Variants in MOV10 observed in about 807,000 individuals in gnomAD.
The protein encoded by MOV10 is Mov10 RNA helicase, also known as RNA helicase MOV-10.
In MOV10, 39 loss-of-function variants were observed where a neutral mutation model predicts 108.4. The observed-to-expected ratio is 0.36, with a 90% confidence interval of 0.28 to 0.47. The LOEUF (loss-of-function observed/expected upper bound fraction) is 0.47, where lower values mean the gene tolerates loss of function less well. Among genes scored for constraint, MOV10 ranks in the 20% least tolerant of loss-of-function variants. The pLI is 1.00. For missense variants in MOV10, 952 were observed against 1,297.6 expected, an observed-to-expected ratio of 0.73 and a Z score of 4.09; for synonymous variants, 490 against 523.1, an observed-to-expected ratio of 0.94 and a Z score of 0.86.
chr1:112,700,687 G>GGGGGAA lies in MOV10; in HGVS notation c.*189_*194dup. On this transcript the variant is annotated 3_prime_UTR_variant, in exon 21 of 21. Coordinates refer to ENST00000369645, the MANE Select transcript of MOV10 (RefSeq NM_001321324.2). ...ATGACACATCAAGCTGCTAACAATTGGGGGAAGGGGAAGGAAGAAAACTCT... is the reference window on the plus strand; with the variant it reads ...ATGACACATCAAGCTGCTAACAATTGGGGGAAGGGGAAGGGGAAGGAAGAAAACTCT... 1 of 1,527,780 alleles carries GGGGGAA rather than the reference G, an allele frequency of 6.5e-7. No homozygotes were observed. The highest frequency in any genetic ancestry group is 8.7e-7 in the Non-Finnish European group (1 of 1,143,646). 94.6% of individuals were successfully genotyped at this position (1,527,780 alleles called of 1,614,324 possible). A position where few individuals can be genotyped will look rare whatever the true frequency, so the allele number is the denominator to read the frequency against.
At chr1:112,699,565 T>C in intron 17 of MOV10, 120 bp from the exon 18 acceptor site, 4 of 1,529,882 alleles carry the variant, frequency 2.6e-6, no homozygotes, top group Non-Finnish European at 3.5e-6. Context: ...ACTGGTTCAC[T>C]CACTGATCTA....
intron 2 of MOV10, among the ~76,000 whole-genome samples, chr1:112,677,772 C>T (rs1407655553): frequency 6.6e-6 from 1 of 151,958 alleles, no homozygotes; most frequent in Non-Finnish European, 1.5e-5. Context: ...GGCCATATAG[C>T]GGGGGGTATA....
chr1:112,698,400 C>G lies in MOV10; in HGVS notation c.2430C>G (p.Leu810=), dbSNP rs745841832. ...AATVTSYLKL[L]LAPSSKKGKA... ...CAGTGACTTCCTACCTGAAGCTGCT[C>G]CTGGCCCCCTCCTCCAAGAAGGGCA... Residue 810 remains leucine, a synonymous_variant, in exon 16 of 21, where the codon CTC becomes CTG. Coordinates refer to ENST00000369645, the MANE Select transcript of MOV10 (RefSeq NM_001321324.2). 24 of 1,614,112 alleles carry G rather than the reference C, an allele frequency of 1.5e-5. No homozygotes were observed. In the East Asian group the frequency reaches 4.9e-4, roughly 33 times the overall value.
In MOV10 at chr1:112,696,237, C is replaced by T; in HGVS notation, c.1869C>T (p.Leu623=). The part of the protein sequence containing the change: ...LQEYRVLITT[L]ITAGRLVSAQ... The stretch of plus-strand genomic sequence containing the variant: ...AATACCGGGTCTTAATTACCACCCT[C>T]ATCACTGCCGGCAGGTGGGGAGTGT... Residue 623 remains leucine, a synonymous_variant, in exon 12 of 21, where the codon CTC becomes CTT. Transcript: ENST00000369645. 1 of 1,611,950 alleles carries T rather than the reference C, an allele frequency of 6.2e-7. No homozygotes were observed. Among genetic ancestry groups the T allele is most frequent in the Non-Finnish European group, 8.5e-7 (1 of 1,178,106 alleles).
Position 112,694,426 on chromosome 1 carries a change from A to C in MOV10, c.1296-27A>C, listed in dbSNP as rs757134356. Reference sequence around the variant, plus strand: ...TTGCCCACCTCCCCTGCCCCAACAAACTCTTACCACCTCTCTCTGCCCAAA... The same window carrying C: ...TTGCCCACCTCCCCTGCCCCAACAACCTCTTACCACCTCTCTCTGCCCAAA... On this transcript the variant is annotated intron_variant, in intron 8 of 20. Coordinates refer to ENST00000369645, the MANE Select transcript of MOV10 (RefSeq NM_001321324.2). The surrounding 1 kb of genome is among the most constrained non-coding windows in gnomAD (Gnocchi z 4.1). 28 of 1,613,200 alleles carry C rather than the reference A, an allele frequency of 1.7e-5. No homozygotes were observed. Among genetic ancestry groups the C allele is most frequent in the Non-Finnish European group, 2.3e-5 (27 of 1,179,914 alleles).
At chr1:112,698,584 C>T in intron 16 of MOV10, 106 bp downstream of exon 16, 1 of 1,439,054 alleles carries the variant, frequency 6.9e-7, no homozygotes, top group Non-Finnish European at 9.7e-7. Flanking sequence ...CCTCTGCTGG[C>T]TCCGTATCTC....
rs1672060821 is a variant in MOV10 at position 112,674,952 on chromosome 1, G to C, written c.40G>C (p.Gly14Arg). 1.3e-6 allele frequency: 2 copies of C among 1,583,896 alleles called. No individual in the cohort carries two copies. The highest frequency in any genetic ancestry group is 1.7e-6 in the Non-Finnish European group (2 of 1,166,138). The change falls in exon 2 of 21, where the codon GGC becomes CGC. Residue 14 changes from glycine to arginine, a missense_variant. By Grantham distance (125) the Gly-to-Arg change is moderately radical. Transcript: ENST00000369645. ...CAGCTGCCGGCAGCTCCGGGAGGCG[G>C]GCCAGTGTTTCGAGAGTTTCCTGGT... ...KFSCRQLREA[G>R]QCFESFLVVR...
rs554802515 is a variant in MOV10 at position 112,689,547 on chromosome 1, C to T, written c.474C>T (p.Gly158=). ...KEVLTLRLRN[G]GTQSVTLTHL... is the part of the protein sequence containing the mutation. ...TGCTGACCCTGAGGCTTCGGAATGG[C>T]GGAACCCAGTCTGTTACCCTCACTC... is the stretch of plus-strand genomic sequence containing the variant. The change falls in exon 4 of 21, where the codon GGC becomes GGT. Residue 158 remains glycine (G), a synonymous_variant. Coordinates refer to ENST00000369645, the MANE Select transcript of MOV10 (RefSeq NM_001321324.2). 1.9e-5 allele frequency: 30 copies of T among 1,614,180 alleles called. No individual in the cohort carries two copies. Among genetic ancestry groups the T allele is most frequent in the Middle Eastern group, 1.6e-4 (1 of 6,062 alleles).
chr1:112,698,720 G>A lies in MOV10; in HGVS notation c.2514G>A (p.Glu838=). 6.2e-7 allele frequency: 1 copy of A among 1,614,106 alleles called. No homozygotes were observed. The change falls in exon 17 of 21, where the codon GAG becomes GAA. Residue 838 remains glutamate (E), a synonymous_variant. Coordinates refer to ENST00000369645, the MANE Select transcript of MOV10 (RefSeq NM_001321324.2). ...CACCTGTCCCCTCCTTCCAGGTGGAGAAAATCCGTTACTGCATCACCAAAC... is the reference window on the plus strand; with the variant it reads ...CACCTGTCCCCTCCTTCCAGGTGGAAAAAATCCGTTACTGCATCACCAAAC... ...GVISPYRKQV[E]KIRYCITKLD...
chr1:112,688,126 T>C (rs1673233551), intron 2 of MOV10, among the ~76,000 whole-genome samples: 1 of 152,078 alleles, frequency 6.6e-6, no homozygotes, highest in African/African-American at 2.4e-5. Flanking sequence ...AGCACCACGC[T>C]GGAATGTATA....
chr1:112,694,226 C>A lies in MOV10; in HGVS notation c.1295+54C>A, dbSNP rs193177173. The A allele has an allele frequency of 3.8e-4, 613 of 1,602,540 alleles. No individual in the cohort carries two copies. In the African/African-American group the frequency reaches 7.1e-3, roughly 18 times the overall value. Reference sequence around the variant, plus strand: ...GGAAGGGTCTACAGACTTCTGACCCCAGGGGAGGAGGAGTGTTTCTCCCTG... The same window carrying A: ...GGAAGGGTCTACAGACTTCTGACCCAAGGGGAGGAGGAGTGTTTCTCCCTG... On this transcript the variant is annotated intron_variant, in intron 8 of 20. Coordinates refer to ENST00000369645, the MANE Select transcript of MOV10 (RefSeq NM_001321324.2). This position sits in a 1 kb window ranked among gnomAD's most constrained non-coding sequence, Gnocchi z 4.1.
chr1:112,698,768 GGAT>G lies in MOV10; in HGVS notation c.2565_2567del (p.Asp856del). On this transcript the variant is annotated inframe_deletion, in exon 17 of 21. Coordinates refer to ENST00000369645, the MANE Select transcript of MOV10 (RefSeq NM_001321324.2). Reference sequence around the variant, plus strand: ...AACTTGACAGGGAGCTTCGAGGACTGGATGACATCAAGGACTTGAAGGTGACAT... The same window carrying G: ...AACTTGACAGGGAGCTTCGAGGACTGGACATCAAGGACTTGAAGGTGACAT... 6.2e-7 allele frequency: 1 copy of G among 1,614,130 alleles called. No homozygotes were observed. The highest frequency in any genetic ancestry group is 1.1e-5 in the South Asian group (1 of 91,090).
intron 18 of MOV10, 33 bp from the exon 19 acceptor site, chr1:112,699,861 C>A: frequency 6.2e-7 from 1 of 1,614,026 alleles, no homozygotes; most frequent in Non-Finnish European, 8.5e-7. Context: ...CGGGGCTCTT[C>A]CCTCCCATGA....
intron 15 of MOV10, 46 bp downstream of exon 15, chr1:112,698,157 T>A: frequency 6.3e-7 from 1 of 1,599,802 alleles, no homozygotes; most frequent in South Asian, 1.1e-5. Flanking sequence ...CTGACTTCCC[T>A]CCCACTGAAG....
intron 7 of MOV10, among the ~76,000 whole-genome samples, chr1:112,693,368 G>GT (rs1673755460): frequency 1.3e-5 from 2 of 152,122 alleles, no homozygotes; most frequent in Non-Finnish European, 2.9e-5. Context: ...TTTTGAACAA[G>GT]TTTTTTGTTG....
Position 112,692,923 on chromosome 1 carries a change from G to A in MOV10, c.1134G>A (p.Thr378=), listed in dbSNP as rs114735246. 1.6e-5 allele frequency: 25 copies of A among 1,608,564 alleles called. No individual in the cohort carries two copies. The highest frequency in any genetic ancestry group is 1.5e-4 in the African/African-American group (11 of 74,812). Residue 378 remains threonine (T), a synonymous_variant, in exon 7 of 21, where the codon ACG becomes ACA. Coordinates refer to ENST00000369645, the MANE Select transcript of MOV10 (RefSeq NM_001321324.2). ...DPVDQNPRLL[T]LEVPGVTESR... ...TGGACCAGAACCCCAGGCTGCTCAC[G>A]CTGGAGGTCAGGGCTCAGATTGAGT...
At chr1:112,684,278 T>C (rs1672894038) in intron 2 of MOV10, among the ~76,000 whole-genome samples, 1 of 147,398 alleles carries the variant, frequency 6.8e-6, no homozygotes. Context: ...TTTTTTTTTT[T>C]TTTTTTGTGA....
intron 2 of MOV10, among the ~76,000 whole-genome samples, chr1:112,677,773 G>T (rs115907417): frequency 4.0e-4 from 61 of 152,146 alleles, no homozygotes; most frequent in African/African-American, 1.3e-3. Context: ...GCCATATAGC[G>T]GGGGGTATAG....
intron 17 of MOV10, chr1:112,699,096 C>T (rs187515063): frequency 1.1e-3 from 406 of 366,648 alleles, no homozygotes; most frequent in African/African-American, 7.7e-3. Context: ...GCCACCCCCA[C>T]CCCCAGTAGC....
Sources: gnomAD v4.1 joint callset for allele counts (sites outside exome capture counted in the v4.1 genomes callset) on GRCh38, gnomAD v4.1.1 for gene constraint, Gnocchi (gnomAD v3.1) non-coding constraint, MANE v1.5 for transcripts, NCBI Gene and HGNC (gene_info 2026-07-23, HGNC 2026-07-21) for gene names.